PHIP: variants seen among roughly 807,000 people sequenced by gnomAD.
PHIP encodes PH-interacting protein.
PHIP carries 54 observed loss-of-function variants against 236.8 expected under a neutral mutation model. The observed-to-expected ratio is 0.23, with a 90% CI of 0.18 to 0.29. PHIP has a LOEUF of 0.29. Among genes scored for constraint, PHIP ranks in the 10% least tolerant of loss-of-function variants. The pLI is 1.00. For synonymous variants in PHIP, 756 were observed against 718.9 expected (o/e 1.05, Z -0.83); for missense variants, 1,370 against 2,190.8 (o/e 0.63, Z 7.48).
In PHIP at chr6:78,990,931, C is replaced by T. The variant is rs149171291; in HGVS notation, c.2256G>A (p.Arg752=). Reference sequence around the variant, plus strand: ...TTAAGTGTTTTCTTTTCTCTTCTGACCTGTAAGTCTTTATTTCTTCTTCTC... The same window carrying T: ...TTAAGTGTTTTCTTTTCTCTTCTGATCTGTAAGTCTTTATTTCTTCTTCTC... ...AKGEEEIKTY[R]SEEKRKHLTV... The change falls in exon 20 of 40, where the codon AGG becomes AGA. Residue 752 remains arginine (R), a synonymous_variant. Transcript: ENST00000275034. 656 of 1,611,846 alleles carry T rather than the reference C, an allele frequency of 4.1e-4. 3 individuals carry two copies. The African/African-American group carries it at 6.7e-3, about 17-fold the overall frequency.
At chr6:79,015,895 A>C in intron 13 of PHIP, 112 bp from the exon 14 acceptor site, 1 of 660,044 alleles carries the variant, frequency 1.5e-6, no homozygotes, top group Non-Finnish European at 2.5e-6. Context: ...ACTATCACTT[A>C]ACAGTAACTG....
chr6:78,963,066 T>TTTTTCTATAC, intron 30 of PHIP, 31 bp downstream of exon 30: 2 of 1,539,342 alleles, frequency 1.3e-6, no homozygotes, highest in Non-Finnish European at 1.7e-6. Context: ...TTCTGCCAGT[T>TTTTTCTATAC]TTTTCTATAC....
chr6:79,060,344 T>C (rs961456942), intron 6 of PHIP, 134 bp downstream of exon 6: 15 of 552,604 alleles, frequency 2.7e-5, no homozygotes, highest in African/African-American at 2.5e-4. Context: ...AGAAAAAAAA[T>C]CTATTTTTTT....
In PHIP at chr6:78,961,627, C is replaced by T. The variant is rs976297930; in HGVS notation, c.3656+63G>A. 5 of 1,546,398 alleles carry T rather than the reference C, an allele frequency of 3.2e-6. No individual in the cohort carries two copies. In the African/African-American group the frequency reaches 5.5e-5, roughly 17 times the overall value. On this transcript the variant is annotated intron_variant, in intron 31 of 39. Transcript: ENST00000275034. The stretch of plus-strand genomic sequence containing the variant: ...AAAGTTGAGAAACACTGCTAAAGAT[C>T]AGTAAATGGGTGGAAAGATCACCAG...
At chr6:79,071,635 A>G (rs1582324475) in intron 4 of PHIP, among the ~76,000 whole-genome samples, 1 of 152,228 alleles carries the variant, frequency 6.6e-6, no homozygotes, top group Admixed American at 6.5e-5. Context: ...GTTATTTTAA[A>G]TAAGTATGTT....
chr6:79,070,681 C>T (rs1322083328), intron 4 of PHIP, among the ~76,000 whole-genome samples: 1 of 152,072 alleles, frequency 6.6e-6, no homozygotes, highest in Non-Finnish European at 1.5e-5. Context: ...TCCAGGAAAC[C>T]CCACACCAAA....
intron 15 of PHIP, among the ~76,000 whole-genome samples, 196 bp from the exon 16 acceptor site, chr6:79,004,054 T>C (rs1157111851): frequency 1.3e-5 from 2 of 152,024 alleles, no homozygotes; most frequent in South Asian, 4.2e-4. Context: ...AATAAAGTAT[T>C]CTATCCACAG....
At chr6:79,040,900 G>T (rs977054309) in intron 7 of PHIP, among the ~76,000 whole-genome samples, 1 of 138,896 alleles carries the variant, frequency 7.2e-6, no homozygotes, top group African/African-American at 2.7e-5. Flanking sequence ...TTTAGACTTT[G>T]GTAAGACCAT....
rs1164832464 is a variant in PHIP at position 78,936,498 on chromosome 6, C to A, written c.*4195G>T. 6.6e-6 allele frequency: 1 copy of A among 151,866 alleles called. No homozygotes were observed. The highest frequency in any genetic ancestry group is 1.5e-5 in the Non-Finnish European group (1 of 67,778). 9.4% of individuals were successfully genotyped at this position (151,866 alleles called of 1,614,324 possible). On this transcript the variant is annotated 3_prime_UTR_variant, in exon 40 of 40. Coordinates refer to ENST00000275034, the MANE Select transcript of PHIP (RefSeq NM_017934.7). ...AGCATGTGTGCATCTGCCTTATATG[C>A]ATGTACTATATTCCATCTTGAACCT... is the stretch of plus-strand genomic sequence containing the variant.
chr6:78,966,184 A>G lies in PHIP; in HGVS notation c.3206-128T>C, dbSNP rs538476972. 1.8e-5 allele frequency: 11 copies of G among 620,802 alleles called. No homozygotes were observed. In the African/African-American group the frequency reaches 2.0e-4, roughly 11 times the overall value. The allele number at this position is 620,802 out of a possible 1,614,324, so 38.5% of individuals were successfully genotyped here. ...TCAGAAGACAAAAAGTGAACCACAA[A>G]CTCCAAAAATAAGTAAGTACAATCA... On this transcript the variant is annotated intron_variant, in intron 27 of 39. Transcript: ENST00000275034.
intron 15 of PHIP, among the ~76,000 whole-genome samples, chr6:79,007,648 C>CT (rs1770355230): frequency 8.2e-6 from 1 of 121,582 alleles, no homozygotes; most frequent in African/African-American, 3.0e-5. Flanking sequence ...GTCAGTATGT[C>CT]TTGTTCTTTT....
Position 79,026,018 on chromosome 6 carries a change from G to T in PHIP, c.747C>A (p.Ile249=). The T allele has an allele frequency of 2.5e-5, 40 of 1,614,024 alleles. No homozygotes were observed. Among genetic ancestry groups the T allele is most frequent in the Non-Finnish European group, 3.4e-5 (40 of 1,179,972 alleles). Residue 249 remains isoleucine, a synonymous_variant, in exon 8 of 40, where the codon ATC becomes ATA. Transcript: ENST00000275034. ...CACAGGTTCGAAGACACCAGACTCG[G>T]ATCATTTTATCACAACTTCCAGCTG... ...MIAAGSCDKM[I]RVWCLRTCAP...
chr6:78,994,127 C>T (rs946131869), intron 19 of PHIP, among the ~76,000 whole-genome samples: 8 of 152,086 alleles, frequency 5.3e-5, no homozygotes, highest in South Asian at 2.1e-4. Flanking sequence ...TAATTAGAAG[C>T]GGCAACTAAA....
intron 27 of PHIP, among the ~76,000 whole-genome samples, chr6:78,966,520 C>T (rs906528302): frequency 6.6e-6 from 1 of 152,182 alleles, no homozygotes; most frequent in Non-Finnish European, 1.5e-5. Context: ...TAAAATCCAA[C>T]CTGTCTTCCT....
chr6:78,945,689 T>C, intron 38 of PHIP, 192 bp from the exon 39 acceptor site: 1 of 613,168 alleles, frequency 1.6e-6, no homozygotes, highest in East Asian at 2.9e-5. Context: ...TCAGCCCTTT[T>C]AGAAGCTGTC....
At position 78,946,883 on chromosome 6, in the gene PHIP, G is replaced by GAA. The variant is rs369427137; in HGVS notation, c.4207-11_4207-10dup. 33 of 1,309,852 alleles carry GAA rather than the reference G, an allele frequency of 2.5e-5. No homozygotes were observed. Among genetic ancestry groups the GAA allele is most frequent in the South Asian group, 4.5e-5 (3 of 66,288 alleles). 81.1% of individuals were successfully genotyped at this position (1,309,852 alleles called of 1,614,324 possible). On this transcript the variant is annotated splice_polypyrimidine_tract_variant and intron_variant, in intron 36 of 39. Transcript: ENST00000275034. ...AAACTCATGCTGTAAATCTGTGAGG[G>GAA]AAAAAAAAAAGTGTTCAACCATTCC...
At chr6:78,967,672 A>G (rs1232304899) in intron 27 of PHIP, among the ~76,000 whole-genome samples, 1 of 152,202 alleles carries the variant, frequency 6.6e-6, no homozygotes, top group Non-Finnish European at 1.5e-5. Context: ...ATAAAATTGT[A>G]AGATCCAAAT....
At chr6:78,988,805 T>C (rs368865215) in intron 20 of PHIP, among the ~76,000 whole-genome samples, 1 of 152,130 alleles carries the variant, frequency 6.6e-6, no homozygotes, top group African/African-American at 2.4e-5. Context: ...CACTGAACTC[T>C]TCTGTATCTA....
chr6:79,015,274 A>C, intron 14 of PHIP, 58 bp from the exon 15 acceptor site: 1 of 1,367,656 alleles, frequency 7.3e-7, no homozygotes, highest in Non-Finnish European at 1.0e-6. Context: ...AGAAAAACAA[A>C]CATAATGAAA....
Sources: gnomAD v4.1 joint callset for allele counts (sites outside exome capture counted in the v4.1 genomes callset) on GRCh38, gnomAD v4.1.1 for gene constraint, MANE v1.5 for transcripts, NCBI Gene and HGNC (gene_info 2026-07-23, HGNC 2026-07-21) for gene names.